RAD1: variants seen among roughly 807,000 people sequenced by gnomAD.
RAD1 encodes the protein cell cycle checkpoint protein RAD1.
In RAD1, 21 loss-of-function variants were observed where a neutral mutation model predicts 30.0. The observed-to-expected ratio is 0.70, with a 90% CI of 0.50 to 1.01. The LOEUF (loss-of-function observed/expected upper bound fraction) is 1.01. Among genes scored for constraint, RAD1 ranks in the 50% least tolerant of loss-of-function variants. The pLI, the probability that RAD1 is intolerant of heterozygous loss-of-function variation, is 0.00. For synonymous variants in RAD1, 109 were observed against 113.6 expected, an observed-to-expected ratio of 0.96 and a Z score of 0.26; for missense variants, 329 against 329.0, an observed-to-expected ratio of 1.00 and a Z score of 0.00.
intron 3 of RAD1, among the ~76,000 whole-genome samples, chr5:34,912,861 C>G (rs41271691): frequency 2.6e-5 from 4 of 151,914 alleles, no homozygotes; most frequent in Non-Finnish European, 5.9e-5. Context: ...ATTAGCCGGG[C>G]GTGGTGGCAC....
At chr5:34,913,907 G>A (rs1329665103) in intron 2 of RAD1, 10 of 452,012 alleles carry the variant, frequency 2.2e-5, no homozygotes, top group African/African-American at 4.0e-5. Context: ...TTATTGATAC[G>A]GGGGTCTCAC....
intron 2 of RAD1, 197 bp downstream of exon 2, chr5:34,914,498 C>T: frequency 1.7e-6 from 1 of 597,858 alleles, no homozygotes. Flanking sequence ...GAATTTGTTA[C>T]CGGGAGAGAA....
intron 4 of RAD1, 31 bp downstream of exon 4, chr5:34,911,523 C>T (rs1424375400): frequency 3.1e-6 from 5 of 1,609,596 alleles, no homozygotes; most frequent in Non-Finnish European, 4.2e-6. Context: ...GTACAGACCA[C>T]ATTAACTATA....
rs1763755512 is a variant in RAD1 at position 34,909,250 on chromosome 5, G to C, written c.665+8C>G. 6.3e-7 allele frequency: 1 copy of C among 1,578,048 alleles called. No individual in the cohort carries two copies. Among genetic ancestry groups the C allele is most frequent in the African/African-American group, 1.4e-5 (1 of 74,070 alleles). ...TCACCAATGACAACCTCTATATTAA[G>C]AACTGACCTGTTGACTTGGGTCTGA... On this transcript the variant is annotated splice_region_variant and intron_variant, in intron 5 of 5. Transcript: ENST00000382038.
chr5:34,906,658 A>G lies in RAD1; in HGVS notation c.*2107T>C, dbSNP rs1191073423. 6.6e-6 allele frequency: 1 copy of G among 152,198 alleles called. No homozygotes were observed. The highest frequency in any genetic ancestry group is 1.5e-5 in the Non-Finnish European group (1 of 68,034). 9.4% of individuals were successfully genotyped at this position (152,198 alleles called of 1,614,324 possible). ...TGTCTCCAAAAATAAAAATAAAAAAACTGAGATCAAAATAAATTTAGAGCT... is the reference window on the plus strand; with the variant it reads ...TGTCTCCAAAAATAAAAATAAAAAAGCTGAGATCAAAATAAATTTAGAGCT... On this transcript the variant is annotated 3_prime_UTR_variant, in exon 6 of 6. Coordinates refer to ENST00000382038, the MANE Select transcript of RAD1 (RefSeq NM_002853.4).
At chr5:34,914,023 GCCC>G (rs1014873508) in intron 2 of RAD1, 14 of 456,376 alleles carry the variant, frequency 3.1e-5, no homozygotes, top group African/African-American at 2.2e-4. Context: ...ACCATACCAT[GCCC>G]CTGCATGAGG....
At chr5:34,914,667 A>G (rs776680755) in intron 2 of RAD1, 28 bp downstream of exon 2, 1 of 1,609,244 alleles carries the variant, frequency 6.2e-7, no homozygotes, top group Admixed American at 1.7e-5. Flanking sequence ...TATCTATGGC[A>G]CAGGCTTAAA....
At chr5:34,910,217 G>A (rs1763788462) in intron 4 of RAD1, among the ~76,000 whole-genome samples, 1 of 152,036 alleles carries the variant, frequency 6.6e-6, no homozygotes, top group Non-Finnish European at 1.5e-5. Flanking sequence ...TTCCCATCCT[G>A]GAGATGAAAG....
Position 34,905,842 on chromosome 5 carries a change from G to A in RAD1, c.*2923C>T, listed in dbSNP as rs1763633613. ...CTGGGTCAATTAGAACACAAATAAG[G>A]AGGAAATTCTTTATAAAATAAGTAC... On this transcript the variant is annotated 3_prime_UTR_variant, in exon 6 of 6. Coordinates refer to ENST00000382038, the MANE Select transcript of RAD1 (RefSeq NM_002853.4). The A allele has an allele frequency of 6.6e-6, 1 of 152,086 alleles. No individual in the cohort carries two copies. Among genetic ancestry groups the A allele is most frequent in the Admixed American group, 6.6e-5 (1 of 15,266 alleles). The allele number at this position is 152,086 out of a possible 1,614,324, so 9.4% of individuals were successfully genotyped here. A position where few individuals can be genotyped will look rare whatever the true frequency, so the allele number is the denominator to read the frequency against.
At position 34,909,362 on chromosome 5, in the gene RAD1, G is replaced by A. The variant is rs1458344544; in HGVS notation, c.567-6C>T. On this transcript the variant is annotated splice_region_variant and splice_polypyrimidine_tract_variant and intron_variant, in intron 4 of 5. Transcript: ENST00000382038. ...CATTTCCAAAAGTAGATAACCTATA[G>A]AAAATGATTACCTCATTTATTCATT... 9.0e-6 allele frequency: 14 copies of A among 1,555,366 alleles called. No homozygotes were observed. Among genetic ancestry groups the A allele is most frequent in the Non-Finnish European group, 1.2e-5 (14 of 1,128,892 alleles).
In RAD1 at chr5:34,908,645, C is replaced by G; in HGVS notation, c.*120G>C. ...TTAGGGTACATGACCTTGCTCCTAT[C>G]TTCCCCATTGTGCTTCTTCTCTATA... On this transcript the variant is annotated 3_prime_UTR_variant, in exon 6 of 6. Coordinates refer to ENST00000382038, the MANE Select transcript of RAD1 (RefSeq NM_002853.4). The G allele has an allele frequency of 1.1e-6, 1 of 889,084 alleles. No individual in the cohort carries two copies. 55.1% of individuals were successfully genotyped at this position (889,084 alleles called of 1,614,324 possible).
At chr5:34,913,638 G>A in intron 2 of RAD1, 60 bp from the exon 3 acceptor site, 1 of 1,011,864 alleles carries the variant, frequency 9.9e-7, no homozygotes, top group East Asian at 2.5e-5. Flanking sequence ...ATAATATAAG[G>A]TCCTAGATTT....
At chr5:34,915,021 T>C (rs1764002766) in intron 1 of RAD1, 60 bp from the exon 2 acceptor site, 1 of 979,114 alleles carries the variant, frequency 1.0e-6, no homozygotes, top group African/African-American at 1.6e-5. Context: ...GAGCTCCACC[T>C]GCGCTGAGAG....
chr5:34,911,946 A>G, intron 3 of RAD1, 134 bp from the exon 4 acceptor site: 1 of 1,057,368 alleles, frequency 9.5e-7, no homozygotes, highest in Non-Finnish European at 1.4e-6. Context: ...CTCCTCATAA[A>G]AAGGGATGAC....
chr5:34,913,628 A>C (rs1307873944), intron 2 of RAD1, 50 bp from the exon 3 acceptor site: 1 of 1,116,652 alleles, frequency 9.0e-7, no homozygotes, highest in Non-Finnish European at 1.3e-6. Flanking sequence ...ATAAAAACTA[A>C]TAATATAAGG....
intron 4 of RAD1, among the ~76,000 whole-genome samples, chr5:34,910,275 G>C (rs1763789954): frequency 6.6e-6 from 1 of 152,070 alleles, no homozygotes; most frequent in African/African-American, 2.4e-5. Context: ...TCACTGAGGA[G>C]ATCCCCTGAA....
At chr5:34,913,630 A>C (rs1763921864) in intron 2 of RAD1, 52 bp from the exon 3 acceptor site, 5 of 1,086,616 alleles carry the variant, frequency 4.6e-6, no homozygotes, top group Non-Finnish European at 6.8e-6. Context: ...AAAAACTAAT[A>C]ATATAAGGTC....
rs372145827 is a variant in RAD1 at position 34,914,725 on chromosome 5, T to C, written c.168A>G (p.Ala56=). 4.1e-5 allele frequency: 66 copies of C among 1,612,546 alleles called. 2 individuals are homozygous for C. Among genetic ancestry groups the C allele is most frequent in the Admixed American group, 5.0e-5 (3 of 60,012 alleles). ...TAAAAGCATTTGCTTGCACACACTT[T>C]GCATTTTCCACTGTTACTTTGATAC... The part of the protein sequence containing the change: ...KNGIKVTVEN[A]KCVQANAFIQ... The change falls in exon 2 of 6, where the codon GCA becomes GCG. Residue 56 remains alanine, a synonymous_variant. Coordinates refer to ENST00000382038, the MANE Select transcript of RAD1 (RefSeq NM_002853.4).
chr5:34,914,034 A>G (rs1447442498), intron 2 of RAD1: 2 of 456,542 alleles, frequency 4.4e-6, no homozygotes, highest in South Asian at 3.1e-5. Context: ...CCCCTGCATG[A>G]GGACAAGAAC....
Sources: allele counts gnomAD v4.1 joint callset (sites outside exome capture counted in the v4.1 genomes callset), GRCh38; gene constraint gnomAD v4.1.1; transcripts MANE v1.5; gene names NCBI Gene and HGNC (gene_info 2026-07-23, HGNC 2026-07-21).